The following XIRP2 variants were observed in gnomAD, a reference collection of about 807,000 sequenced individuals.
The protein encoded by XIRP2 is xin actin-binding repeat-containing protein 2.
XIRP2 carries 236 observed loss-of-function variants against 277.0 expected under a neutral mutation model. The ratio of observed to expected loss-of-function variants is 0.85; its 90% CI spans 0.77 to 0.95. The LOEUF (loss-of-function observed/expected upper bound fraction) is 0.95. Ranked by LOEUF, XIRP2 falls within the 40% of genes least tolerant of loss-of-function variation. XIRP2 has a pLI of 0.00. For synonymous variants in XIRP2, 1,490 were observed against 1,416.5 expected (o/e 1.05, Z -1.17); for missense variants, 4,640 against 4,157.5 (o/e 1.12, Z -3.19).
intron 2 of XIRP2, among the ~76,000 whole-genome samples, chr2:166,970,300 T>C (rs1686547269): frequency 6.6e-6 from 1 of 152,024 alleles, no homozygotes; most frequent in Non-Finnish European, 1.5e-5. Flanking sequence ...TAACACAGTA[T>C]TTCTTTTATT....
chr2:167,003,737 G>C (rs1345607303), intron 2 of XIRP2, among the ~76,000 whole-genome samples: 2 of 151,862 alleles, frequency 1.3e-5, no homozygotes, highest in African/African-American at 4.8e-5. Flanking sequence ...AGCTGCTGGA[G>C]GATTTCAGGT....
rs370739648 is a variant in XIRP2, at chr2:166,903,807, C to T, written c.325C>T (p.Arg109Cys). 2.3e-5 allele frequency: 37 copies of T among 1,613,706 alleles called. No individual in the cohort carries two copies. In the South Asian group the frequency reaches 2.4e-4, roughly 11 times the overall value. Residue 109 changes from arginine to cysteine, a missense_variant, in exon 2 of 11, where the codon CGC (arginine) becomes TGC (cysteine). By Grantham distance (180) the Arg-to-Cys change is radical (BLOSUM62 -3). Coordinates refer to ENST00000409195, the MANE Select transcript of XIRP2 (RefSeq NM_152381.6). Reference protein sequence around the residue: ...DSLSSRRRIERFSIALDELRS... With the variant: ...DSLSSRRRIECFSIALDELRS... ...CCTGAGCAGTCGGCGCAGGATTGAACGCTTTTCCATTGCCCTTGATGAGCT... is the reference window on the plus strand; with the variant it reads ...CCTGAGCAGTCGGCGCAGGATTGAATGCTTTTCCATTGCCCTTGATGAGCT...
chr2:167,020,772 CTTATT>C (rs1687961495), intron 2 of XIRP2, among the ~76,000 whole-genome samples: 1 of 151,930 alleles, frequency 6.6e-6, no homozygotes, highest in African/African-American at 2.4e-5. Context: ...AGATGACTTT[CTTATT>C]TTATAATTAT....
At chr2:166,926,354 T>G (rs963530377) in intron 2 of XIRP2, among the ~76,000 whole-genome samples, 3 of 152,088 alleles carry the variant, frequency 2.0e-5, no homozygotes, top group Admixed American at 2.0e-4. Flanking sequence ...GTACCTCCAT[T>G]TCCACCTAAA....
chr2:167,028,720 T>G (rs1389012245), intron 2 of XIRP2, among the ~76,000 whole-genome samples: 1 of 151,542 alleles, frequency 6.6e-6, no homozygotes, highest in Non-Finnish European at 1.5e-5. Flanking sequence ...ATGAGCTAAA[T>G]AAGGCACCAG....
chr2:167,238,234 T>C (rs1454325817), intron 5 of XIRP2, among the ~76,000 whole-genome samples: 3 of 152,122 alleles, frequency 2.0e-5, no homozygotes, highest in African/African-American at 7.2e-5. Context: ...AAACATATTA[T>C]CAAATATCAC....
intron 2 of XIRP2, among the ~76,000 whole-genome samples, chr2:167,011,991 C>G (rs79887329): frequency 0.037 from 5,608 of 152,076 alleles, 169 homozygotes; most frequent in Non-Finnish European, 0.048. Context: ...TGCTAGCGGT[C>G]TATCAATTTT....
chr2:166,981,976 T>C (rs1049275102), intron 2 of XIRP2, among the ~76,000 whole-genome samples: 3 of 152,208 alleles, frequency 2.0e-5, no homozygotes, highest in Non-Finnish European at 4.4e-5. Context: ...GTTTAACTCA[T>C]AGTTTCTTTT....
intron 2 of XIRP2, among the ~76,000 whole-genome samples, chr2:166,913,408 G>C (rs927058181): frequency 5.9e-5 from 9 of 151,590 alleles, no homozygotes; most frequent in Admixed American, 5.9e-4. Flanking sequence ...CTCTGAGCCA[G>C]GCATGGGATA....
chr2:167,170,164 T>A (rs74665681), intron 3 of XIRP2, among the ~76,000 whole-genome samples: 15,030 of 152,136 alleles, frequency 0.099, 779 homozygotes, highest in South Asian at 0.15. Context: ...CTTTTAAAAA[T>A]TTTTTTAAAT....
Position 167,250,282 on chromosome 2 carries a change from T to G in XIRP2, c.8890T>G (p.Phe2964Val). ...ACAGATTTTGTCGAGAGTGAAACAG[T>G]TTGAAGCAGAGCCAAATAAAAGTGG... ...LQQILSRVKQFEAEPNKSGLK... is the reference protein window; with the variant it reads ...LQQILSRVKQVEAEPNKSGLK... Residue 2964 changes from phenylalanine to valine, a missense_variant, in exon 9 of 11, where the codon TTT becomes GTT. Transcript: ENST00000409195. The G allele has an allele frequency of 6.2e-7, 1 of 1,613,156 alleles. No homozygotes were observed. The highest frequency in any genetic ancestry group is 8.5e-7 in the Non-Finnish European group (1 of 1,179,610).
In XIRP2 at chr2:167,251,499, T is replaced by C; in HGVS notation, c.10107T>C (p.Arg3369=). ...ETNHNIQQES[R]TFCKEEFGLT... is the part of the protein sequence containing the mutation. ...ACCATAACATACAACAAGAAAGTCGTACATTTTGTAAGGAGGAATTTGGAT... is the reference window on the plus strand; with the variant it reads ...ACCATAACATACAACAAGAAAGTCGCACATTTTGTAAGGAGGAATTTGGAT... The change falls in exon 9 of 11, where the codon CGT becomes CGC. Residue 3369 remains arginine (R), a synonymous_variant. Transcript: ENST00000409195. The C allele has an allele frequency of 5.6e-6, 9 of 1,613,530 alleles. No individual in the cohort carries two copies. The highest frequency in any genetic ancestry group is 6.8e-6 in the Non-Finnish European group (8 of 1,179,632).
At position 167,246,301 on chromosome 2, in the gene XIRP2, A is replaced by G. The variant is rs1163377163; in HGVS notation, c.4909A>G (p.Lys1637Glu). 1.2e-6 allele frequency: 2 copies of G among 1,613,368 alleles called. No individual in the cohort carries two copies. The highest frequency in any genetic ancestry group is 1.1e-5 in the South Asian group (1 of 91,010). Residue 1637 changes from lysine (K) to glutamate (E), a missense_variant, in exon 9 of 11, where the codon AAA becomes GAA. Transcript: ENST00000409195. ...EEEKGNVNLTKTQLLNRSTEF... is the reference protein window; with the variant it reads ...EEEKGNVNLTETQLLNRSTEF... ...AGAGAAGGGAAATGTTAATTTGACTAAAACTCAATTATTAAACAGATCAAC... is the reference window on the plus strand; with the variant it reads ...AGAGAAGGGAAATGTTAATTTGACTGAAACTCAATTATTAAACAGATCAAC...
intron 8 of XIRP2, 67 bp from the exon 9 acceptor site, chr2:167,242,502 G>A (rs916555643): frequency 2.0e-6 from 3 of 1,507,602 alleles, no homozygotes; most frequent in Non-Finnish European, 2.7e-6. Context: ...ACCAATGAAG[G>A]GCAGTGCCTA....
At chr2:166,987,978 A>C (rs1374131284) in intron 2 of XIRP2, among the ~76,000 whole-genome samples, 1 of 152,236 alleles carries the variant, frequency 6.6e-6, no homozygotes. Flanking sequence ...TGCACAATGG[A>C]AATATAAAAT....
chr2:167,196,039 C>CTG (rs1033446228), intron 3 of XIRP2, among the ~76,000 whole-genome samples: 14 of 151,968 alleles, frequency 9.2e-5, no homozygotes, highest in Non-Finnish European at 1.3e-4. Flanking sequence ...TCCCAGGCTG[C>CTG]TGTGTGTGTG....
Position 167,093,766 on chromosome 2 carries a change from G to A in XIRP2, c.409-42143G>A, listed in dbSNP as rs374846556. ...AGTCTTTGCTATTGTGAATAGGACC[G>A]CAATAAACATATGTGTGCAAGTGTC... is the stretch of plus-strand genomic sequence containing the variant. On this transcript the variant is annotated intron_variant, in intron 2 of 10. Coordinates refer to ENST00000409195, the MANE Select transcript of XIRP2 (RefSeq NM_152381.6). 1.8e-4 allele frequency among the ~76,000 whole-genome samples: 27 copies of A among 152,158 alleles called. No individual in the cohort carries two copies. The East Asian group carries it at 2.3e-3, about 13-fold the overall frequency.
chr2:167,082,631 T>C (rs1240183746), intron 2 of XIRP2, among the ~76,000 whole-genome samples: 1 of 152,190 alleles, frequency 6.6e-6, no homozygotes, highest in Non-Finnish European at 1.5e-5. Context: ...TTTTAATGAT[T>C]GCCATTCCAA....
At chr2:167,168,561 T>C (rs1447860425) in intron 3 of XIRP2, among the ~76,000 whole-genome samples, 1 of 152,222 alleles carries the variant, frequency 6.6e-6, no homozygotes, top group Admixed American at 6.5e-5. Flanking sequence ...TCTGTTATAG[T>C]GTTTTGCATC....
Sources: gnomAD v4.1 joint callset for allele counts (sites outside exome capture counted in the v4.1 genomes callset) on GRCh38, gnomAD v4.1.1 for gene constraint, MANE v1.5 for transcripts, NCBI Gene and HGNC (gene_info 2026-07-23, HGNC 2026-07-21) for gene names.